Variants in DEFA6 observed in about 807,000 individuals in gnomAD.
DEFA6 encodes the protein defensin alpha 6.
A neutral mutation model predicts 5.1 loss-of-function variants in DEFA6; 8 were observed. The observed-to-expected ratio is 1.57, with a 90% CI of 0.92 to 2.83. The LOEUF is 2.83. DEFA6 is among the 30% of genes most tolerant of loss of function. The pLI, the probability that DEFA6 is intolerant of heterozygous loss-of-function variation, is 0.00. For missense variants in DEFA6, 191 were observed against 119.1 expected, an observed-to-expected ratio of 1.60 and a Z score of -2.81; for synonymous variants, 74 against 45.3, an observed-to-expected ratio of 1.63 and a Z score of -2.54.
Position 6,924,877 on chromosome 8 carries a change from C to G in DEFA6, c.244G>C (p.Glu82Gln). 6.2e-7 allele frequency: 1 copy of G among 1,612,064 alleles called. No individual in the cohort carries two copies. Residue 82 changes from glutamate to glutamine, a missense_variant, in exon 2 of 2, where the codon GAA becomes CAA. Glu to Gln is a conservative substitution (Grantham distance 29, BLOSUM62 2). Coordinates refer to ENST00000297436, the MANE Select transcript of DEFA6 (RefSeq NM_001926.4). The stretch of plus-strand genomic sequence containing the variant: ...ACAGTGCAGGTCCCATAGGAATATT[C>G]TGTTGAATAACAGGACCTTCTGCAA... ...CHCRRSCYST[E>Q]YSYGTCTVMG...
At chr8:6,925,300 C>T (rs1268527992) in intron 1 of DEFA6, among the ~76,000 whole-genome samples, 1 of 151,904 alleles carries the variant, frequency 6.6e-6, no homozygotes, top group African/African-American at 2.4e-5. Flanking sequence ...GTGGGTTTAT[C>T]ACAAGGTCAG....
intron 1 of DEFA6, among the ~76,000 whole-genome samples, chr8:6,925,258 C>T (rs548316449): frequency 4.1e-4 from 63 of 152,168 alleles, no homozygotes; most frequent in Non-Finnish European, 5.3e-4. Context: ...TGGTGGCTTA[C>T]GCCTGTAATC....
chr8:6,924,761 A>C lies in DEFA6; in HGVS notation c.*57T>G. 1 of 1,248,158 alleles carries C rather than the reference A, an allele frequency of 8.0e-7. No homozygotes were observed. The highest frequency in any genetic ancestry group is 1.8e-5 in the Admixed American group (1 of 55,308). 77.3% of individuals were successfully genotyped at this position (1,248,158 alleles called of 1,614,324 possible). On this transcript the variant is annotated 3_prime_UTR_variant, in exon 2 of 2. Transcript: ENST00000297436. Reference sequence around the variant, plus strand: ...GATGGCAATGTATAGGACACACGACAGTTTCCTTCTAGGTCATAAAGTAAA... The same window carrying C: ...GATGGCAATGTATAGGACACACGACCGTTTCCTTCTAGGTCATAAAGTAAA...
At position 6,926,064 on chromosome 8, in the gene DEFA6, G is replaced by T. The variant is rs762763272; in HGVS notation, c.-29C>A. 6.3e-7 allele frequency: 1 copy of T among 1,576,562 alleles called. No individual in the cohort carries two copies. ...TAGGGTCGCTGGAGGAGAGAGAGCA[G>T]GAGCAGATGTGTGGGGAGTGAGGAG... On this transcript the variant is annotated 5_prime_UTR_variant, in exon 1 of 2. It adds an upstream start codon to the 5' untranslated region. Transcript: ENST00000297436.
rs146816317 is a variant in DEFA6 at position 6,925,614 on chromosome 8, A to C, written c.193+229T>G. ...AGTAGAGACTCCTCAATACATTTCT[A>C]CATGGCAAAAAATTAGAAAATTTCA... On this transcript the variant is annotated intron_variant, in intron 1 of 1. Coordinates refer to ENST00000297436, the MANE Select transcript of DEFA6 (RefSeq NM_001926.4). Among the ~76,000 whole-genome samples, 5 of 152,364 alleles carry C rather than the reference A, an allele frequency of 3.3e-5. No homozygotes were observed. In the East Asian group the frequency reaches 9.6e-4, roughly 29 times the overall value.
At position 6,924,926 on chromosome 8, in the gene DEFA6, G is replaced by A. The variant is rs1018582560; in HGVS notation, c.195C>T (p.Gly65=). 2 of 1,601,176 alleles carry A rather than the reference G, an allele frequency of 1.2e-6. No homozygotes were observed. Among genetic ancestry groups the A allele is most frequent in the Non-Finnish European group, 8.5e-7 (1 of 1,169,682 alleles). ...EDASSSLRAL[G]STRAFTCHCR... ...AATGGCAAGTGAAAGCCCTTGTTGAGCCTGGGGACAGAGAGAGAGAGCATC... is the reference window on the plus strand; with the variant it reads ...AATGGCAAGTGAAAGCCCTTGTTGAACCTGGGGACAGAGAGAGAGAGCATC... Residue 65 remains glycine (G), a splice_region_variant and synonymous_variant, in exon 2 of 2, where the codon GGC becomes GGT. Coordinates refer to ENST00000297436, the MANE Select transcript of DEFA6 (RefSeq NM_001926.4).
Position 6,926,018 on chromosome 8 carries a change from G to C in DEFA6, c.18C>G (p.Ile6Met), listed in dbSNP as rs539202273. Residue 6 changes from isoleucine to methionine, a missense_variant, in exon 1 of 2, where the codon ATC becomes ATG. By Grantham distance (10) the Ile-to-Met change is conservative. Coordinates refer to ENST00000297436, the MANE Select transcript of DEFA6 (RefSeq NM_001926.4). ...GGGCCACGAGGAGAACAGCAGTGAG[G>C]ATGGTGAGGGTTCTCATGGCTAGGG... MRTLT[I>M]LTAVLLVALQ... 2 of 1,611,186 alleles carry C rather than the reference G, an allele frequency of 1.2e-6. No individual in the cohort carries two copies. Among genetic ancestry groups the C allele is most frequent in the African/African-American group, 2.7e-5 (2 of 74,830 alleles).
chr8:6,925,597 C>G (rs1026889568), intron 1 of DEFA6, among the ~76,000 whole-genome samples: 2 of 152,224 alleles, frequency 1.3e-5, no homozygotes, highest in African/African-American at 4.8e-5. Context: ...GAAGTAGAGA[C>G]TCCTCAATAC....
At chr8:6,925,236 A>G (rs1808391354) in intron 1 of DEFA6, among the ~76,000 whole-genome samples, 1 of 152,162 alleles carries the variant, frequency 6.6e-6, no homozygotes, top group South Asian at 2.1e-4. Flanking sequence ...ACATTCCTTT[A>G]GCAGCTGGAT....
chr8:6,924,933 G>C lies in DEFA6; in HGVS notation c.194-6C>G. ...AGTGAAAGCCCTTGTTGAGCCTGGG[G>C]ACAGAGAGAGAGAGCATCAGAAATT... is the stretch of plus-strand genomic sequence containing the variant. On this transcript the variant is annotated splice_region_variant and splice_polypyrimidine_tract_variant and intron_variant, in intron 1 of 1. Transcript: ENST00000297436. The C allele has an allele frequency of 6.3e-7, 1 of 1,590,528 alleles. No individual in the cohort carries two copies. The highest frequency in any genetic ancestry group is 8.6e-7 in the Non-Finnish European group (1 of 1,160,318).
chr8:6,925,502 G>A (rs1808400106), intron 1 of DEFA6, among the ~76,000 whole-genome samples: 1 of 152,180 alleles, frequency 6.6e-6, no homozygotes, highest in Non-Finnish European at 1.5e-5. Flanking sequence ...ACTCCAGCCT[G>A]GGTGACAGAG....
chr8:6,924,959 G>A, intron 1 of DEFA6, 32 bp from the exon 2 acceptor site: 3 of 1,454,776 alleles, frequency 2.1e-6, no homozygotes, highest in Non-Finnish European at 2.9e-6. Context: ...ATCAGAAATT[G>A]AGCACCAGGG....
At chr8:6,925,199 C>T (rs563613548) in intron 1 of DEFA6, among the ~76,000 whole-genome samples, 6 of 152,264 alleles carry the variant, frequency 3.9e-5, no homozygotes, top group Admixed American at 2.0e-4. Context: ...CAGTTTGCAA[C>T]GGTTCCTATA....
rs1347734168 is a variant in DEFA6, at chr8:6,924,855, G to C, written c.266C>G (p.Thr89Ser). 6.2e-7 allele frequency: 1 copy of C among 1,611,576 alleles called. No individual in the cohort carries two copies. The highest frequency in any genetic ancestry group is 1.1e-5 in the South Asian group (1 of 90,980). Reference sequence around the variant, plus strand: ...GAATCTGTGGTTAATACCCATGACAGTGCAGGTCCCATAGGAATATTCTGT... The same window carrying C: ...GAATCTGTGGTTAATACCCATGACACTGCAGGTCCCATAGGAATATTCTGT... Reference protein sequence around the residue: ...YSTEYSYGTCTVMGINHRFCC... With the variant: ...YSTEYSYGTCSVMGINHRFCC... The change falls in exon 2 of 2, where the codon ACT (threonine) becomes AGT (serine). Residue 89 changes from threonine (T) to serine (S), a missense_variant. Physicochemically the swap from Thr to Ser is moderately conservative, Grantham distance 58 (BLOSUM62 1). Coordinates refer to ENST00000297436, the MANE Select transcript of DEFA6 (RefSeq NM_001926.4).
intron 1 of DEFA6, among the ~76,000 whole-genome samples, chr8:6,925,219 T>G (rs1808391028): frequency 6.6e-6 from 1 of 152,164 alleles, no homozygotes; most frequent in Admixed American, 6.6e-5. Context: ...AAAAGTCAGA[T>G]TAAAAAACAT....
chr8:6,924,734 T>C lies in DEFA6; in HGVS notation c.*84A>G, dbSNP rs1808365342. 8 of 816,168 alleles carry C rather than the reference T, an allele frequency of 9.8e-6. No individual in the cohort carries two copies. The highest frequency in any genetic ancestry group is 8.7e-5 in the South Asian group (3 of 34,338). 50.6% of individuals were successfully genotyped at this position (816,168 alleles called of 1,614,324 possible). Reference sequence around the variant, plus strand: ...CTTTATTTGAGATGAGGAAACAAAGTTGATGGCAATGTATAGGACACACGA... The same window carrying C: ...CTTTATTTGAGATGAGGAAACAAAGCTGATGGCAATGTATAGGACACACGA... On this transcript the variant is annotated 3_prime_UTR_variant, in exon 2 of 2. Transcript: ENST00000297436.
In DEFA6 at chr8:6,924,904, G is replaced by A. The variant is rs755160781; in HGVS notation, c.217C>T (p.His73Tyr). 5 of 1,609,532 alleles carry A rather than the reference G, an allele frequency of 3.1e-6. No individual in the cohort carries two copies. The East Asian group carries it at 8.9e-5, about 29-fold the overall frequency. The change falls in exon 2 of 2, where the codon CAT (histidine) becomes TAT (tyrosine). Residue 73 changes from histidine (H) to tyrosine (Y), a missense_variant. By Grantham distance (83) the His-to-Tyr change is moderately conservative. Coordinates refer to ENST00000297436, the MANE Select transcript of DEFA6 (RefSeq NM_001926.4). ...ALGSTRAFTC[H>Y]CRRSCYSTEY... ...GTTGAATAACAGGACCTTCTGCAAT[G>A]GCAAGTGAAAGCCCTTGTTGAGCCT...
chr8:6,925,815 C>T (rs372965333), intron 1 of DEFA6, 28 bp downstream of exon 1: 1 of 1,584,874 alleles, frequency 6.3e-7, no homozygotes, highest in South Asian at 1.2e-5. Context: ...CTCTACACTC[C>T]TAGCTCTGCA....
Position 6,926,068 on chromosome 8 carries a change from C to A in DEFA6, c.-33G>T, listed in dbSNP as rs761386712. Reference sequence around the variant, plus strand: ...GTCGCTGGAGGAGAGAGAGCAGGAGCAGATGTGTGGGGAGTGAGGAGCCAG... The same window carrying A: ...GTCGCTGGAGGAGAGAGAGCAGGAGAAGATGTGTGGGGAGTGAGGAGCCAG... On this transcript the variant is annotated 5_prime_UTR_variant, in exon 1 of 2. Coordinates refer to ENST00000297436, the MANE Select transcript of DEFA6 (RefSeq NM_001926.4). 108 of 1,569,548 alleles carry A rather than the reference C, an allele frequency of 6.9e-5. No homozygotes were observed. Among genetic ancestry groups the A allele is most frequent in the Admixed American group, 1.1e-4 (6 of 54,036 alleles).
Sources: allele counts gnomAD v4.1 joint callset (sites outside exome capture counted in the v4.1 genomes callset), GRCh38; gene constraint gnomAD v4.1.1; transcripts MANE v1.5; gene names NCBI Gene and HGNC (gene_info 2026-07-23, HGNC 2026-07-21).